The following CLGN variants were observed in gnomAD, a reference collection of about 807,000 sequenced individuals.
CLGN encodes calmegin.
Under a neutral mutation model 79.1 loss-of-function variants are expected in CLGN, and 62 were observed. The observed-to-expected ratio is 0.78, with a 90% CI of 0.64 to 0.97. The LOEUF is 0.97. Among genes scored for constraint, CLGN ranks in the 50% least tolerant of loss-of-function variants. CLGN has a pLI of 0.00. For synonymous variants in CLGN, 225 were observed against 224.7 expected (o/e 1.00, Z -0.01); for missense variants, 647 against 715.5 (o/e 0.90, Z 1.09).
Position 140,405,960 on chromosome 4 carries a change from T to C in CLGN, c.401A>G (p.Asp134Gly), listed in dbSNP as rs1729098481. ...AVLAKPFIFA[D>G]KPLIVQYEVN... ...CACTTACTGAACTATCAAGGGTTTA[T>C]CAGCAAAAATGAATGGTTTTGCTAA... The change falls in exon 5 of 15, where the codon GAT (aspartate) becomes GGT (glycine). Residue 134 changes from aspartate (D) to glycine (G), a missense_variant. Asp to Gly is a moderately conservative substitution (Grantham distance 94). Coordinates refer to ENST00000325617, the MANE Select transcript of CLGN (RefSeq NM_004362.3). 2.5e-6 allele frequency: 4 copies of C among 1,611,456 alleles called. No individual in the cohort carries two copies. The East Asian group carries it at 9.0e-5, about 36-fold the overall frequency.
At chr4:140,395,689 G>A (rs963543790) in intron 10 of CLGN, 130 bp downstream of exon 10, 1 of 628,132 alleles carries the variant, frequency 1.6e-6, no homozygotes. Context: ...ATTAGTTGAG[G>A]TCTATTTTCT....
At chr4:140,414,069 G>T in intron 1 of CLGN, among the ~76,000 whole-genome samples, 1 of 152,244 alleles carries the variant, frequency 6.6e-6, no homozygotes, top group Non-Finnish European at 1.5e-5. Flanking sequence ...CTAACTGGGA[G>T]GCACCCCCCA....
At chr4:140,414,897 G>A (rs1371722571) in intron 1 of CLGN, among the ~76,000 whole-genome samples, 1 of 150,556 alleles carries the variant, frequency 6.6e-6, no homozygotes, top group Non-Finnish European at 1.5e-5. Context: ...ACACATAATT[G>A]TCAGATTCAC....
In CLGN at chr4:140,408,884, T is replaced by TATATAC. The variant is rs778910042; in HGVS notation, c.277+952_277+953insGTATAT. On this transcript the variant is annotated intron_variant, in intron 4 of 14. Transcript: ENST00000325617. ...GCATATATATATATATATATATATA[T>TATATAC]ACACACACACACATATATATACACA... Among the ~76,000 whole-genome samples the TATATAC allele has an allele frequency of 5.2e-4, 75 of 145,590 alleles. No individual in the cohort carries two copies. In the East Asian group the frequency reaches 7.4e-3, roughly 14 times the overall value.
chr4:140,409,185 A>G lies in CLGN; in HGVS notation c.277+652T>C, dbSNP rs530589951. 2.6e-5 allele frequency among the ~76,000 whole-genome samples: 4 copies of G among 152,002 alleles called. No individual in the cohort carries two copies. The East Asian group carries it at 7.7e-4, about 29-fold the overall frequency. On this transcript the variant is annotated intron_variant, in intron 4 of 14. Coordinates refer to ENST00000325617, the MANE Select transcript of CLGN (RefSeq NM_004362.3). ...CTCTGAGAAAGAAGAAATTACCACT[A>G]TCAGTCACTGTGAGAAGAGGCTGAT...
intron 1 of CLGN, among the ~76,000 whole-genome samples, chr4:140,420,358 T>A (rs1363766294): frequency 2.0e-5 from 3 of 152,138 alleles, no homozygotes; most frequent in Non-Finnish European, 4.4e-5. Flanking sequence ...TGAAAGTTTG[T>A]TTCTTCTTTA....
chr4:140,402,516 T>C (rs1335479280), intron 5 of CLGN, among the ~76,000 whole-genome samples: 1 of 152,140 alleles, frequency 6.6e-6, no homozygotes, highest in Non-Finnish European at 1.5e-5. Flanking sequence ...TAGAGTTCAT[T>C]ACACCTTACC....
In CLGN at chr4:140,410,627, C is replaced by G; in HGVS notation, c.145-1G>C. The G allele has an allele frequency of 6.5e-7, 1 of 1,534,296 alleles. No homozygotes were observed. The highest frequency in any genetic ancestry group is 1.1e-5 in the South Asian group (1 of 87,234). On this transcript the variant is annotated splice_acceptor_variant, in intron 2 of 14. Transcript: ENST00000325617. LOFTEE classifies it high-confidence loss of function. ...TAGGTTGAGGTGTCTTATATTTAAT[C>G]TAGAAAAGAGATTTTCCAAGTCTAA...
chr4:140,410,690 T>C, intron 2 of CLGN, 64 bp from the exon 3 acceptor site: 5 of 1,030,494 alleles, frequency 4.9e-6, no homozygotes, highest in Non-Finnish European at 7.5e-6. Context: ...TTAAATAATC[T>C]TCCTAGTGAA....
At chr4:140,424,547 C>G (rs1244727045) in intron 1 of CLGN, among the ~76,000 whole-genome samples, 1 of 152,088 alleles carries the variant, frequency 6.6e-6, no homozygotes, top group Admixed American at 6.6e-5. Context: ...TTATCTATTT[C>G]TTTATTGATC....
intron 11 of CLGN, 132 bp from the exon 12 acceptor site, chr4:140,392,843 T>C: frequency 1.3e-6 from 1 of 762,338 alleles, no homozygotes; most frequent in Non-Finnish European, 1.9e-6. Flanking sequence ...TAAAAGAAGT[T>C]TCATTTTCCC....
At chr4:140,405,857 T>C (rs1729096992) in intron 5 of CLGN, 85 bp downstream of exon 5, 3 of 1,353,470 alleles carry the variant, frequency 2.2e-6, no homozygotes, top group Non-Finnish European at 3.0e-6. Context: ...GATTTTCACA[T>C]CCATTTTCAA....
intron 5 of CLGN, among the ~76,000 whole-genome samples, chr4:140,405,306 T>G (rs1408472965): frequency 1.4e-5 from 2 of 148,142 alleles, no homozygotes; most frequent in Admixed American, 1.3e-4. Flanking sequence ...TGCCTCAGCC[T>G]CCCAAGTAGC....
At chr4:140,399,661 T>C (rs936294006) in intron 7 of CLGN, among the ~76,000 whole-genome samples, 1 of 152,178 alleles carries the variant, frequency 6.6e-6, no homozygotes, top group African/African-American at 2.4e-5. Context: ...AGGAAGCCAA[T>C]AGGGCCATTT....
chr4:140,405,209 G>T (rs1396529883), intron 5 of CLGN, among the ~76,000 whole-genome samples: 1 of 138,890 alleles, frequency 7.2e-6, no homozygotes. Context: ...TTTTGAGACG[G>T]AGTCTCGCTC....
intron 5 of CLGN, among the ~76,000 whole-genome samples, chr4:140,403,738 A>G (rs576938983): frequency 3.5e-4 from 54 of 152,360 alleles, no homozygotes; most frequent in Non-Finnish European, 6.9e-4. Context: ...CATTTCTTAT[A>G]CTGCAAACTT....
intron 5 of CLGN, among the ~76,000 whole-genome samples, chr4:140,405,170 TTTA>T (rs1195627175): frequency 3.1e-3 from 254 of 81,638 alleles, no homozygotes; most frequent in Middle Eastern, 0.018. Flanking sequence ...AGTAATTTTT[TTTA>T]TTTTTATTTT....
chr4:140,397,690 GA>G (rs1460983289), intron 8 of CLGN, among the ~76,000 whole-genome samples: 1 of 152,108 alleles, frequency 6.6e-6, no homozygotes, highest in Non-Finnish European at 1.5e-5. Flanking sequence ...AGGATCACGA[GA>G]TCGGGAGTTC....
chr4:140,398,997 T>G lies in CLGN; in HGVS notation c.738A>C (p.Thr246=), dbSNP rs753748615. ...CTAGGAGGCTTCCTTTGTTTACAAC[T>G]GTTTGATCAACTAACACCTCAAATG... ...DDTFEVLVDQ[T]VVNKGSLLED... is the part of the protein sequence containing the mutation. Residue 246 remains threonine (T), a synonymous_variant, in exon 8 of 15, where the codon ACA becomes ACC. Transcript: ENST00000325617. 2 of 1,613,764 alleles carry G rather than the reference T, an allele frequency of 1.2e-6. No homozygotes were observed. Among genetic ancestry groups the G allele is most frequent in the South Asian group, 1.1e-5 (1 of 90,982 alleles).
Sources: gnomAD v4.1 joint callset for allele counts (sites outside exome capture counted in the v4.1 genomes callset) on GRCh38, gnomAD v4.1.1 for gene constraint, MANE v1.5 for transcripts, NCBI Gene and HGNC (gene_info 2026-07-23, HGNC 2026-07-21) for gene names.